CRTAC1: variants seen among roughly 807,000 people sequenced by gnomAD.
CRTAC1 encodes cartilage acidic protein 1.
A neutral mutation model predicts 67.8 loss-of-function variants in CRTAC1; 37 were observed. The ratio of observed to expected loss-of-function variants is 0.55; its 90% CI spans 0.42 to 0.72. CRTAC1 has a LOEUF of 0.72. Ranked by LOEUF, CRTAC1 falls within the 30% of genes least tolerant of loss-of-function variation. The pLI is 0.00. For missense variants in CRTAC1, 780 were observed against 931.6 expected (o/e 0.84, Z 2.12); for synonymous variants, 348 against 371.0 (o/e 0.94, Z 0.71).
chr10:97,984,238 A>C (rs1406387444), intron 2 of CRTAC1, among the ~76,000 whole-genome samples: 2 of 152,244 alleles, frequency 1.3e-5, no homozygotes, highest in Admixed American at 6.5e-5. Context: ...ACGTGTCTCC[A>C]GCATGGAGTG....
chr10:97,959,904 T>A (rs1299425680), intron 2 of CRTAC1, among the ~76,000 whole-genome samples: 1 of 152,390 alleles, frequency 6.6e-6, no homozygotes, highest in East Asian at 1.9e-4. Context: ...AGCAACGAGT[T>A]GTGACAACAT....
At position 97,865,923 on chromosome 10, in the gene CRTAC1, CT is replaced by C; in HGVS notation, c.1820-210del. 5.9e-6 allele frequency: 4 copies of C among 680,978 alleles called. 1 individual carries two copies. The highest frequency in any genetic ancestry group is 9.1e-6 in the Non-Finnish European group (4 of 440,608). The allele number at this position is 680,978 out of a possible 1,614,324, so 42.2% of individuals were successfully genotyped here. A position where few individuals can be genotyped will look rare whatever the true frequency, so the allele number is the denominator to read the frequency against. On this transcript the variant is annotated intron_variant, in intron 14 of 14. Coordinates refer to ENST00000370597, the MANE Select transcript of CRTAC1 (RefSeq NM_018058.7). Reference sequence around the variant, plus strand: ...ATCAGTCCATTTCCTGACCTGGGGGCTTTTCCTTCCCGATGGGGCTGGTCTG... The same window carrying C: ...ATCAGTCCATTTCCTGACCTGGGGGCTTTCCTTCCCGATGGGGCTGGTCTG...
Position 97,880,363 on chromosome 10 carries a change from C to G in CRTAC1, c.1705G>C (p.Val569Leu). 6.2e-7 allele frequency: 1 copy of G among 1,614,048 alleles called. No individual in the cohort carries two copies. The highest frequency in any genetic ancestry group is 8.5e-7 in the Non-Finnish European group (1 of 1,179,918). The change falls in exon 14 of 15, where the codon GTG becomes CTG. Residue 569 changes from valine (V) to leucine (L), a missense_variant. Coordinates refer to ENST00000370597, the MANE Select transcript of CRTAC1 (RefSeq NM_018058.7). Reference sequence around the variant, plus strand: ...CATACGGGCTTGTCTCGAGGGCACACGAATGGGAACTGGATGCATTCATTG... The same window carrying G: ...CATACGGGCTTGTCTCGAGGGCACAGGAATGGGAACTGGATGCATTCATTG... ...DTNECIQFPFVCPRDKPVCVN... is the reference protein window; with the variant it reads ...DTNECIQFPFLCPRDKPVCVN...
chr10:97,908,846 G>A (rs2136575952), intron 5 of CRTAC1, among the ~76,000 whole-genome samples: 2 of 152,260 alleles, frequency 1.3e-5, no homozygotes, highest in South Asian at 4.1e-4. Flanking sequence ...TTTTAAAATA[G>A]GAAAATACAT....
chr10:98,020,536 C>T (rs1456756510), intron 1 of CRTAC1, among the ~76,000 whole-genome samples: 2 of 152,198 alleles, frequency 1.3e-5, no homozygotes, highest in Admixed American at 1.3e-4. Flanking sequence ...TTCTTCAGCA[C>T]CATACTGAAT....
At chr10:97,880,962 C>T (rs529388500) in intron 13 of CRTAC1, among the ~76,000 whole-genome samples, 47 of 152,252 alleles carry the variant, frequency 3.1e-4, no homozygotes, top group African/African-American at 9.6e-4. Flanking sequence ...CACTCTGCCC[C>T]GCAGTCCACC....
intron 1 of CRTAC1, among the ~76,000 whole-genome samples, chr10:98,028,075 A>G (rs867771905): frequency 2.6e-5 from 4 of 152,208 alleles, no homozygotes; most frequent in African/African-American, 7.2e-5. Context: ...ATGAACCCTT[A>G]AAGAGTTCAA....
intron 3 of CRTAC1, among the ~76,000 whole-genome samples, chr10:97,926,290 A>C (rs992872797): frequency 1.3e-5 from 2 of 152,180 alleles, no homozygotes; most frequent in African/African-American, 4.8e-5. Flanking sequence ...GTCGCATCCC[A>C]CATCTGAGGC....
In CRTAC1 at chr10:98,030,549, C is replaced by T. The variant is rs1343934137; in HGVS notation, c.-77G>A. ...GCCGCCTCTGCCGCCGGCGCCGCCG[C>T]CTGCTTGCTCCCAGCCCCGGTCCCG... On this transcript the variant is annotated 5_prime_UTR_variant, in exon 1 of 15. Transcript: ENST00000370597. The surrounding 1 kb of genome is among the most constrained non-coding windows in gnomAD (Gnocchi z 4.2). The T allele has an allele frequency of 1.9e-6, 2 of 1,041,970 alleles. No homozygotes were observed. The highest frequency in any genetic ancestry group is 2.5e-6 in the Non-Finnish European group (2 of 808,648). The allele number at this position is 1,041,970 out of a possible 1,614,324, so 64.5% of individuals were successfully genotyped here. A position where few individuals can be genotyped will look rare whatever the true frequency, so the allele number is the denominator to read the frequency against.
In CRTAC1 at chr10:97,923,398, C is replaced by T; in HGVS notation, c.424G>A (p.Val142Met). The change falls in exon 4 of 15, where the codon GTG becomes ATG. Residue 142 changes from valine to methionine, a missense_variant and splice_region_variant. Physicochemically the swap from Val to Met is conservative, Grantham distance 21. Coordinates refer to ENST00000370597, the MANE Select transcript of CRTAC1 (RefSeq NM_018058.7). ...FLNTNNAFSG[V>M]ATYTDKLFKF... ...AACAACTTGTCGGTGTACGTGGCCA[C>T]CCCTGGAGAGAGGAGGAAAGGGAGG... 2 of 1,614,074 alleles carry T rather than the reference C, an allele frequency of 1.2e-6. No homozygotes were observed. The highest frequency in any genetic ancestry group is 1.7e-6 in the Non-Finnish European group (2 of 1,180,024).
In CRTAC1 at chr10:98,015,786, C is replaced by T. The variant is rs184121795; in HGVS notation, c.25-4449G>A. ...TGCAGATTCTGATTCAATAATTCTG[C>T]AGTGGAGCACAAGATTCTATATTTC... On this transcript the variant is annotated intron_variant, in intron 1 of 14. Transcript: ENST00000370597. Among the ~76,000 whole-genome samples the T allele has an allele frequency of 9.2e-5, 14 of 152,304 alleles. No individual in the cohort carries two copies. The East Asian group carries it at 2.7e-3, about 29-fold the overall frequency.
At chr10:97,940,674 G>C (rs887361345) in intron 2 of CRTAC1, among the ~76,000 whole-genome samples, 1 of 152,212 alleles carries the variant, frequency 6.6e-6, no homozygotes, top group Non-Finnish European at 1.5e-5. Context: ...TGGGGTCCTG[G>C]CCCTGCCACC....
chr10:97,884,723 A>ATAG (rs76791295), intron 11 of CRTAC1, among the ~76,000 whole-genome samples: 84,513 of 151,782 alleles, frequency 0.56, 23,715 homozygotes, highest in Non-Finnish European at 0.6. Flanking sequence ...GCCATGTTGG[A>ATAG]TAGTGCAGCT....
chr10:97,949,427 G>A (rs2051315691), intron 2 of CRTAC1, among the ~76,000 whole-genome samples: 1 of 152,238 alleles, frequency 6.6e-6, no homozygotes, highest in Admixed American at 6.5e-5. Context: ...CAGAGGCAGG[G>A]CTGTCTCAGG....
At chr10:98,009,108 G>A (rs59528865) in intron 2 of CRTAC1, among the ~76,000 whole-genome samples, 1,903 of 152,260 alleles carry the variant, frequency 0.012, 49 homozygotes, top group African/African-American at 0.044. Flanking sequence ...GGTAAAAAGC[G>A]TCATTACAAT....
Position 98,030,485 on chromosome 10 carries a change from G to T in CRTAC1, c.-13C>A. On this transcript the variant is annotated 5_prime_UTR_variant, in exon 1 of 15. Transcript: ENST00000370597. This position sits in a 1 kb window ranked among gnomAD's most constrained non-coding sequence, Gnocchi z 4.2. ...CGCTCGGAGCCATCCTCCCGCTCTCGGCCCCGCCGCCTAGGGGCGTGGGAA... is the reference window on the plus strand; with the variant it reads ...CGCTCGGAGCCATCCTCCCGCTCTCTGCCCCGCCGCCTAGGGGCGTGGGAA... 8.0e-7 allele frequency: 1 copy of T among 1,246,466 alleles called. No individual in the cohort carries two copies. The highest frequency in any genetic ancestry group is 4.1e-5 in the South Asian group (1 of 24,450). The allele number at this position is 1,246,466 out of a possible 1,614,324, so 77.2% of individuals were successfully genotyped here.
chr10:97,961,569 CA>C (rs1442502493), intron 2 of CRTAC1, among the ~76,000 whole-genome samples: 1 of 152,174 alleles, frequency 6.6e-6, no homozygotes, highest in Non-Finnish European at 1.5e-5. Flanking sequence ...AGCATGTGAA[CA>C]GGGAGGAGAC....
chr10:98,009,264 A>T (rs937382244), intron 2 of CRTAC1, among the ~76,000 whole-genome samples: 1 of 152,220 alleles, frequency 6.6e-6, no homozygotes, highest in Non-Finnish European at 1.5e-5. Flanking sequence ...CACACTAGCC[A>T]TTTCACATAC....
chr10:98,029,136 C>T lies in CRTAC1; in HGVS notation c.24+1313G>A, dbSNP rs1388210011. Among the ~76,000 whole-genome samples, 1 of 152,144 alleles carries T rather than the reference C, an allele frequency of 6.6e-6. No individual in the cohort carries two copies. Among genetic ancestry groups the T allele is most frequent in the African/African-American group, 2.4e-5 (1 of 41,426 alleles). On this transcript the variant is annotated intron_variant, in intron 1 of 14. Transcript: ENST00000370597. The surrounding 1 kb of genome is among the most constrained non-coding windows in gnomAD (Gnocchi z 4.7). ...ACCATGCTGGAACAGCCACCATGTT[C>T]CCACTTTTCCAGCCTCCACCTCTCC... is the stretch of plus-strand genomic sequence containing the variant.
Sources: gnomAD v4.1 joint callset for allele counts (sites outside exome capture counted in the v4.1 genomes callset) on GRCh38, gnomAD v4.1.1 for gene constraint, Gnocchi (gnomAD v3.1) non-coding constraint, MANE v1.5 for transcripts, NCBI Gene and HGNC (gene_info 2026-07-23, HGNC 2026-07-21) for gene names.